The following PLCXD2 variants were observed in gnomAD, a reference collection of about 807,000 sequenced individuals.
PLCXD2 encodes the protein phosphatidylinositol specific phospholipase C X domain containing 2.
PLCXD2 carries 21 observed loss-of-function variants against 28.6 expected under a neutral mutation model. The observed-to-expected ratio is 0.73, with a 90% CI of 0.52 to 1.06. The LOEUF is 1.06. PLCXD2 is among the 50% of genes least tolerant of loss of function. The pLI, the probability that PLCXD2 is intolerant of heterozygous loss-of-function variation, is 0.00. For missense variants in PLCXD2, 369 were observed against 376.7 expected, an observed-to-expected ratio of 0.98 and a Z score of 0.17; for synonymous variants, 140 against 150.1, an observed-to-expected ratio of 0.93 and a Z score of 0.49.
At chr3:111,681,056 A>G (rs561569632) in intron 1 of PLCXD2, among the ~76,000 whole-genome samples, 1 of 152,350 alleles carries the variant, frequency 6.6e-6, no homozygotes, top group Non-Finnish European at 1.5e-5. Context: ...GTAATTTACA[A>G]TCTAGTTAAG....
chr3:111,719,033 A>G (rs972534988), intron 3 of PLCXD2, among the ~76,000 whole-genome samples: 16 of 152,230 alleles, frequency 1.1e-4, no homozygotes, highest in Non-Finnish European at 4.4e-5. Context: ...TAGTGATCGA[A>G]TAACTGTATA....
intron 1 of PLCXD2, among the ~76,000 whole-genome samples, chr3:111,688,195 A>G (rs1357664214): frequency 6.6e-6 from 1 of 152,240 alleles, no homozygotes; most frequent in Non-Finnish European, 1.5e-5. Context: ...AGGAAGCACA[A>G]GCTGGAAGAC....
At chr3:111,715,793 C>T (rs1055024329) in intron 3 of PLCXD2, among the ~76,000 whole-genome samples, 8 of 152,088 alleles carry the variant, frequency 5.3e-5, no homozygotes, top group Non-Finnish European at 1.0e-4. Context: ...CCCTTTTCAG[C>T]GTTGGACACT....
chr3:111,688,723 G>A (rs1340361013), intron 1 of PLCXD2, among the ~76,000 whole-genome samples: 2 of 152,124 alleles, frequency 1.3e-5, no homozygotes, highest in Non-Finnish European at 2.9e-5. Flanking sequence ...TGAGGGCGAA[G>A]ACCATACCTC....
chr3:111,703,814 G>T (rs1436314033), intron 1 of PLCXD2, among the ~76,000 whole-genome samples: 1 of 152,142 alleles, frequency 6.6e-6, no homozygotes, highest in Non-Finnish European at 1.5e-5. Context: ...AATCCAGGGG[G>T]ACTTGTTCCA....
intron 1 of PLCXD2, among the ~76,000 whole-genome samples, chr3:111,690,291 C>T (rs1940855142): frequency 1.3e-5 from 2 of 152,080 alleles, no homozygotes; most frequent in African/African-American, 2.4e-5. Flanking sequence ...GCTCCCATGT[C>T]GGGACTCTAA....
chr3:111,702,735 T>A (rs1208321442), intron 1 of PLCXD2, among the ~76,000 whole-genome samples: 1 of 152,080 alleles, frequency 6.6e-6, no homozygotes, highest in Non-Finnish European at 1.5e-5. Flanking sequence ...TGGTGCAGGG[T>A]ATTTTCCTCC....
chr3:111,720,603 T>C, intron 3 of PLCXD2, 120 bp from the exon 4 acceptor site: 3 of 408,660 alleles, frequency 7.3e-6, no homozygotes, highest in Non-Finnish European at 1.3e-5. Context: ...CTCTGAAAGC[T>C]TGTGCTCTTA....
Position 111,689,623 on chromosome 3 carries a change from G to A in PLCXD2, c.163+14215G>A, listed in dbSNP as rs184028565. On this transcript the variant is annotated intron_variant, in intron 1 of 4. Coordinates refer to ENST00000477665, the MANE Select transcript of PLCXD2 (RefSeq NM_001185106.1). ...CCCATTGGGACTGTTTCTCTCTGCT[G>A]TATACAACTGTTTTGTCATTTCTGT... 3.9e-5 allele frequency among the ~76,000 whole-genome samples: 6 copies of A among 152,248 alleles called. No homozygotes were observed. In the East Asian group the frequency reaches 1.2e-3, roughly 29 times the overall value.
At chr3:111,724,265 A>G (rs1471067757) in intron 3 of PLCXD2, 1 of 152,176 alleles carries the variant, frequency 6.6e-6, no homozygotes, top group East Asian at 1.9e-4. Context: ...ATTAAACTCA[A>G]TGGTAATTAC....
At chr3:111,710,976 A>C (rs1420355223) in intron 2 of PLCXD2, among the ~76,000 whole-genome samples, 1 of 152,250 alleles carries the variant, frequency 6.6e-6, no homozygotes, top group Non-Finnish European at 1.5e-5. Context: ...TGTATTATCC[A>C]ACTACAAATA....
In PLCXD2 at chr3:111,685,915, T is replaced by TC. The variant is rs572141871; in HGVS notation, c.163+10514dup. ...CCCCATGTAGAGGGCTTTAAAATGC[T>TC]CCCCCCCACAACATGGGATTGAAAA... On this transcript the variant is annotated intron_variant, in intron 1 of 4. Coordinates refer to ENST00000477665, the MANE Select transcript of PLCXD2 (RefSeq NM_001185106.1). Among the ~76,000 whole-genome samples, 406 of 152,136 alleles carry TC rather than the reference T, an allele frequency of 2.7e-3. 3 individuals carry two copies. The highest frequency in any genetic ancestry group is 4.2e-3 in the Non-Finnish European group (288 of 67,992).
At chr3:111,705,218 T>A (rs1249995926) in intron 1 of PLCXD2, among the ~76,000 whole-genome samples, 1 of 152,176 alleles carries the variant, frequency 6.6e-6, no homozygotes, top group African/African-American at 2.4e-5. Flanking sequence ...TTCTGTGAAC[T>A]CCAAAAGTTT....
In PLCXD2 at chr3:111,707,992, C is replaced by G. The variant is rs201874936; in HGVS notation, c.230C>G (p.Ala77Gly). 2 of 1,614,162 alleles carry G rather than the reference C, an allele frequency of 1.2e-6. No individual in the cohort carries two copies. Among genetic ancestry groups the G allele is most frequent in the Admixed American group, 3.3e-5 (2 of 60,014 alleles). ...CCAGTGGGGCCTGACCAAACCCAAG[C>G]TATCAAACGCCTCGCCAGGATCTCC... The change falls in exon 2 of 5, where the codon GCT becomes GGT. Residue 77 changes from alanine to glycine, a missense_variant. Coordinates refer to ENST00000477665, the MANE Select transcript of PLCXD2 (RefSeq NM_001185106.1).
At chr3:111,706,317 C>T (rs1452638862) in intron 1 of PLCXD2, among the ~76,000 whole-genome samples, 1 of 152,130 alleles carries the variant, frequency 6.6e-6, no homozygotes, top group Non-Finnish European at 1.5e-5. Context: ...TCCCATTCTA[C>T]AGGTTGTCTT....
chr3:111,683,116 T>C (rs1345183319), intron 1 of PLCXD2, among the ~76,000 whole-genome samples: 1 of 152,188 alleles, frequency 6.6e-6, no homozygotes, highest in Non-Finnish European at 1.5e-5. Context: ...GTATGGGGTC[T>C]GTAACACTCA....
At chr3:111,709,848 C>G (rs757719032) in intron 2 of PLCXD2, among the ~76,000 whole-genome samples, 3 of 152,176 alleles carry the variant, frequency 2.0e-5, no homozygotes, top group Non-Finnish European at 4.4e-5. Flanking sequence ...TTCACTCACT[C>G]TAAGCGAGGA....
chr3:111,724,743 T>G (rs1941393582), intron 3 of PLCXD2: 1 of 152,230 alleles, frequency 6.6e-6, no homozygotes, highest in Non-Finnish European at 1.5e-5. Context: ...TGATGTTTCT[T>G]AGTAGCTAAT....
chr3:111,689,308 T>C (rs1940841490), intron 1 of PLCXD2, among the ~76,000 whole-genome samples: 1 of 152,122 alleles, frequency 6.6e-6, no homozygotes, highest in Non-Finnish European at 1.5e-5. Context: ...TGGTCACCTG[T>C]AGAAGTGACA....
Sources: gnomAD v4.1 joint callset for allele counts (sites outside exome capture counted in the v4.1 genomes callset) on GRCh38, gnomAD v4.1.1 for gene constraint, MANE v1.5 for transcripts, NCBI Gene and HGNC (gene_info 2026-07-23, HGNC 2026-07-21) for gene names.